Variants in ERG observed in about 807,000 individuals in gnomAD.
ERG encodes ETS transcription factor ERG, also known as transcriptional regulator ERG.
A neutral mutation model predicts 55.3 loss-of-function variants in ERG; 9 were observed. The observed-to-expected ratio is 0.16, with a 90% CI of 0.10 to 0.28. The LOEUF (loss-of-function observed/expected upper bound fraction) is 0.28, where lower values mean the gene tolerates loss of function less well. Ranked by LOEUF, ERG falls within the 10% of genes least tolerant of loss-of-function variation. The probability of loss-of-function intolerance (pLI) is 1.00; values close to 1 mark genes in which losing one functional copy is unlikely to be tolerated. For missense variants in ERG, 434 were observed against 631.6 expected (o/e 0.69, Z 3.35); for synonymous variants, 223 against 237.3 (o/e 0.94, Z 0.55).
At chr21:38,435,026 G>A (rs566822100) in intron 2 of ERG, among the ~76,000 whole-genome samples, 1 of 152,276 alleles carries the variant, frequency 6.6e-6, no homozygotes, top group African/African-American at 2.4e-5. Flanking sequence ...TTCACATTAA[G>A]AAGAACTTGG....
At position 38,460,444 on chromosome 21, in the gene ERG, T is replaced by C. The variant is rs915280435; in HGVS notation, c.19-14823A>G. On this transcript the variant is annotated intron_variant, in intron 1 of 9. Transcript: ENST00000288319. This position sits in a 1 kb window ranked among gnomAD's most constrained non-coding sequence, Gnocchi z 5.0. ...TTTCTATCTTTAAAGTTTTATTATT[T>C]TCAAAACTAAATGTGATGAGAATGC... 2.6e-5 allele frequency among the ~76,000 whole-genome samples: 4 copies of C among 152,324 alleles called. No individual in the cohort carries two copies. Among genetic ancestry groups the C allele is most frequent in the African/African-American group, 9.6e-5 (4 of 41,570 alleles).
intron 2 of ERG, among the ~76,000 whole-genome samples, chr21:38,574,624 T>C (rs1213635610): frequency 6.6e-6 from 1 of 152,288 alleles, no homozygotes; most frequent in East Asian, 1.9e-4. Flanking sequence ...TACGTCCATG[T>C]GTAATTGTAT....
At chr21:38,607,460 G>A (rs568904548) in intron 1 of ERG, among the ~76,000 whole-genome samples, 77 of 152,142 alleles carry the variant, frequency 5.1e-4, no homozygotes, top group Middle Eastern at 6.8e-3. Context: ...GTGAAACCCC[G>A]TCTCTACTAA....
chr21:38,653,972 C>T (rs188298496), intron 1 of ERG, among the ~76,000 whole-genome samples: 7 of 152,338 alleles, frequency 4.6e-5, no homozygotes, highest in African/African-American at 1.4e-4. Flanking sequence ...CAAACAAATA[C>T]AGCCCTTACT....
intron 1 of ERG, among the ~76,000 whole-genome samples, chr21:38,643,350 G>T (rs376165584): frequency 6.6e-6 from 1 of 152,164 alleles, no homozygotes; most frequent in African/African-American, 2.4e-5. Context: ...GAACAAAAAC[G>T]TCTATCTGGA....
chr21:38,569,889 T>C (rs370012971), intron 2 of ERG, among the ~76,000 whole-genome samples: 5 of 152,216 alleles, frequency 3.3e-5, no homozygotes, highest in East Asian at 3.8e-4. Context: ...ATGAGAACCA[T>C]CCACACTGAT....
At chr21:38,392,074 C>T (rs1372120046) in intron 7 of ERG, among the ~76,000 whole-genome samples, 3 of 152,116 alleles carry the variant, frequency 2.0e-5, no homozygotes, top group Admixed American at 1.3e-4. Context: ...TACTTTTAAG[C>T]ATGGCCAAGA....
intron 5 of ERG, 127 bp downstream of exon 5, chr21:38,402,430 A>G: frequency 1.5e-6 from 1 of 685,270 alleles, no homozygotes; most frequent in South Asian, 1.8e-5. Flanking sequence ...AGTATCCGAA[A>G]GTATTCTGAA....
intron 9 of ERG, among the ~76,000 whole-genome samples, chr21:38,387,963 G>A (rs535497605): frequency 7.2e-5 from 11 of 152,158 alleles, no homozygotes; most frequent in East Asian, 3.9e-4. Flanking sequence ...TAATCACTGC[G>A]CAAACTTGCT....
intron 1 of ERG, among the ~76,000 whole-genome samples, chr21:38,454,559 A>G (rs2058970469): frequency 6.6e-6 from 1 of 152,192 alleles, no homozygotes; most frequent in Non-Finnish European, 1.5e-5. Context: ...ACTGATGGCA[A>G]CCAGCTGCCG....
intron 2 of ERG, among the ~76,000 whole-genome samples, chr21:38,429,033 C>G (rs1441547541): frequency 6.6e-6 from 1 of 152,156 alleles, no homozygotes; most frequent in African/African-American, 2.4e-5. Flanking sequence ...TTCTCCCTCA[C>G]CCACTCCCAT....
intron 1 of ERG, among the ~76,000 whole-genome samples, chr21:38,655,523 C>T (rs558429206): frequency 5.3e-5 from 8 of 152,336 alleles, no homozygotes; most frequent in Admixed American, 1.3e-4. Context: ...GATTCACCTG[C>T]TATCCCCTCT....
At chr21:38,435,276 G>A (rs1006610799) in intron 2 of ERG, among the ~76,000 whole-genome samples, 2 of 152,186 alleles carry the variant, frequency 1.3e-5, no homozygotes, top group Non-Finnish European at 2.9e-5. Flanking sequence ...GTTTCATAGT[G>A]TGAATCGAGG....
At chr21:38,405,332 G>A (rs769145262) in intron 3 of ERG, among the ~76,000 whole-genome samples, 1 of 152,152 alleles carries the variant, frequency 6.6e-6, no homozygotes, top group Non-Finnish European at 1.5e-5. Context: ...TCATTAAGCA[G>A]CTCTTAGGCC....
Position 38,463,019 on chromosome 21 carries a change from C to T in ERG, c.19-17398G>A, listed in dbSNP as rs142501261. On this transcript the variant is annotated intron_variant, in intron 1 of 9. Transcript: ENST00000288319. ...CCTGGGGCTGAGGGACTGCAGAGCCCGGGCACAGACTCCCTGCCTATCTCC... is the reference window on the plus strand; with the variant it reads ...CCTGGGGCTGAGGGACTGCAGAGCCTGGGCACAGACTCCCTGCCTATCTCC... Among the ~76,000 whole-genome samples, 29 of 152,246 alleles carry T rather than the reference C, an allele frequency of 1.9e-4. 1 individual carries two copies. Among genetic ancestry groups the T allele is most frequent in the Admixed American group, 9.8e-4 (15 of 15,296 alleles).
chr21:38,520,810 G>A (rs1389399485), intron 2 of ERG, among the ~76,000 whole-genome samples: 3 of 152,158 alleles, frequency 2.0e-5, no homozygotes, highest in African/African-American at 4.8e-5. Flanking sequence ...TAACAACTGC[G>A]AAAATAGTGT....
chr21:38,640,911 A>G (rs144690201), intron 1 of ERG, among the ~76,000 whole-genome samples: 5 of 152,368 alleles, frequency 3.3e-5, no homozygotes, highest in Admixed American at 6.5e-5. Context: ...ATTTTTCATT[A>G]TAAGCGCAGA....
At chr21:38,459,634 G>C (rs1377260207) in intron 1 of ERG, among the ~76,000 whole-genome samples, 1 of 152,182 alleles carries the variant, frequency 6.6e-6, no homozygotes, top group African/African-American at 2.4e-5. Flanking sequence ...ATGGGCTAGA[G>C]ATACCTTTAT....
intron 2 of ERG, among the ~76,000 whole-genome samples, chr21:38,545,163 G>GA (rs1436957181): frequency 3.3e-5 from 5 of 152,120 alleles, no homozygotes; most frequent in African/African-American, 1.2e-4. Context: ...CACAGCTGCT[G>GA]AAAACCTTCC....
Sources: gnomAD v4.1 joint callset for allele counts (sites outside exome capture counted in the v4.1 genomes callset) on GRCh38, gnomAD v4.1.1 for gene constraint, Gnocchi (gnomAD v3.1) non-coding constraint, MANE v1.5 for transcripts, NCBI Gene and HGNC (gene_info 2026-07-23, HGNC 2026-07-21) for gene names.